The following OSTM1 variants were observed in gnomAD, a reference collection of about 807,000 sequenced individuals.
OSTM1 encodes the protein osteoclastogenesis associated transmembrane protein 1, also known as osteopetrosis-associated transmembrane protein 1.
A neutral mutation model predicts 35.4 loss-of-function variants in OSTM1; 26 were observed. The ratio of observed to expected loss-of-function variants is 0.73; its 90% CI spans 0.54 to 1.02. OSTM1 has a LOEUF of 1.02. Ranked by LOEUF, OSTM1 falls within the 50% of genes least tolerant of loss-of-function variation. OSTM1 has a pLI of 0.00. For synonymous variants in OSTM1, 181 were observed against 165.0 expected, an observed-to-expected ratio of 1.10 and a Z score of -0.75; for missense variants, 366 against 409.6, an observed-to-expected ratio of 0.89 and a Z score of 0.92.
At chr6:108,066,040 G>A (rs1174278734) in intron 1 of OSTM1, among the ~76,000 whole-genome samples, 4 of 152,218 alleles carry the variant, frequency 2.6e-5, no homozygotes, top group African/African-American at 9.6e-5. Flanking sequence ...AAGTGATAAT[G>A]ATTATGTGGT....
At chr6:108,065,107 C>A (rs1436138077) in intron 1 of OSTM1, among the ~76,000 whole-genome samples, 1 of 152,116 alleles carries the variant, frequency 6.6e-6, no homozygotes, top group Non-Finnish European at 1.5e-5. Flanking sequence ...GATCCATCCA[C>A]CTCGGCCTCC....
At chr6:108,051,292 C>A (rs1356694355) in intron 3 of OSTM1, 94 bp from the exon 4 acceptor site, 2 of 926,902 alleles carry the variant, frequency 2.2e-6, no homozygotes, top group African/African-American at 1.6e-5. Context: ...AGACGGGAAA[C>A]AATATGGTGT....
intron 1 of OSTM1, among the ~76,000 whole-genome samples, chr6:108,073,111 T>C (rs1317137660): frequency 6.6e-6 from 1 of 152,206 alleles, no homozygotes; most frequent in Non-Finnish European, 1.5e-5. Context: ...CACACAGCCA[T>C]GACAGATTTA....
Position 108,044,453 on chromosome 6 carries a change from ATTTAT to A in OSTM1, c.*327_*331del, listed in dbSNP as rs1436483191. The A allele has an allele frequency of 5.6e-6, 1 of 179,110 alleles. No individual in the cohort carries two copies. The highest frequency in any genetic ancestry group is 1.4e-4 in the East Asian group (1 of 7,200). 11.1% of individuals were successfully genotyped at this position (179,110 alleles called of 1,614,324 possible). ...TTTCAAAAACTTTTCTACTTGAGAT[ATTTAT>A]GTTAGTAAGAAGATACCAGAAGTCT... On this transcript the variant is annotated 3_prime_UTR_variant, in exon 6 of 6. Transcript: ENST00000193322.
Position 108,074,331 on chromosome 6 carries a change from C to G in OSTM1, c.321G>C (p.Arg107=). ...AGCAGGTCTGACAGAGGCGCACGGG[C>G]CGGGCGCTGCGCACCAGACACCCTG... ...ELTGCLVRSA[R]PVRLCQTCYP... The change falls in exon 1 of 6, where the codon CGG becomes CGC. Residue 107 remains arginine, a synonymous_variant. Coordinates refer to ENST00000193322, the MANE Select transcript of OSTM1 (RefSeq NM_014028.4). 3 of 1,610,656 alleles carry G rather than the reference C, an allele frequency of 1.9e-6. No homozygotes were observed. The highest frequency in any genetic ancestry group is 2.5e-6 in the Non-Finnish European group (3 of 1,179,302).
intron 2 of OSTM1, among the ~76,000 whole-genome samples, chr6:108,061,431 GTCTC>G (rs1262974925): frequency 2.7e-5 from 4 of 149,284 alleles, no homozygotes; most frequent in African/African-American, 4.9e-5. Context: ...CTTCTTACTG[GTCTC>G]TCTCTCTTCC....
intron 2 of OSTM1, among the ~76,000 whole-genome samples, chr6:108,055,920 C>T (rs1031189626): frequency 4.6e-5 from 7 of 152,118 alleles, no homozygotes; most frequent in Non-Finnish European, 8.8e-5. Context: ...ATTATGCCCA[C>T]CTTATTTAGA....
Position 108,064,294 on chromosome 6 carries a change from A to G in OSTM1, c.408T>C (p.Thr136=), listed in dbSNP as rs1230499110. Residue 136 remains threonine, a synonymous_variant, in exon 2 of 6, where the codon ACT becomes ACC. Coordinates refer to ENST00000193322, the MANE Select transcript of OSTM1 (RefSeq NM_014028.4). Reference sequence around the variant, plus strand: ...TTCTGGCACAACTCTGACTCTCTGAAGTATTCTGTAACAAAAAGAAGACAG... The same window carrying G: ...TTCTGGCACAACTCTGACTCTCTGAGGTATTCTGTAACAAAAAGAAGACAG... ...MDNISRAAGN[T]SESQSCARSL... 1 of 1,512,694 alleles carries G rather than the reference A, an allele frequency of 6.6e-7. No individual in the cohort carries two copies. Among genetic ancestry groups the G allele is most frequent in the Non-Finnish European group, 9.2e-7 (1 of 1,092,056 alleles). 93.7% of individuals were successfully genotyped at this position (1,512,694 alleles called of 1,614,324 possible). A position where few individuals can be genotyped will look rare whatever the true frequency, so the allele number is the denominator to read the frequency against.
chr6:108,062,323 C>G (rs1236707085), intron 2 of OSTM1, among the ~76,000 whole-genome samples: 1 of 151,982 alleles, frequency 6.6e-6, no homozygotes, highest in African/African-American at 2.4e-5. Context: ...TGATTCGCAG[C>G]CCAAGTAGAT....
intron 5 of OSTM1, among the ~76,000 whole-genome samples, chr6:108,046,596 C>T (rs1205286583): frequency 5.9e-5 from 9 of 151,982 alleles, no homozygotes; most frequent in East Asian, 3.9e-4. Flanking sequence ...CCACCTGCCT[C>T]GGCCTCCCAA....
rs529023968 is a variant in OSTM1 at position 108,051,017 on chromosome 6, A to T, written c.783+14T>A. The T allele has an allele frequency of 6.3e-7, 1 of 1,599,318 alleles. No homozygotes were observed. Among genetic ancestry groups the T allele is most frequent in the Non-Finnish European group, 8.6e-7 (1 of 1,166,822 alleles). On this transcript the variant is annotated intron_variant, in intron 4 of 5. Coordinates refer to ENST00000193322, the MANE Select transcript of OSTM1 (RefSeq NM_014028.4). Reference sequence around the variant, plus strand: ...ACTCTAAAATATGTATCACATCAGAAGCAAAGTACTTACTGCATCTTCCAC... The same window carrying T: ...ACTCTAAAATATGTATCACATCAGATGCAAAGTACTTACTGCATCTTCCAC...
Position 108,066,474 on chromosome 6 carries a change from T to C in OSTM1, c.403-2175A>G, listed in dbSNP as rs778004724. Among the ~76,000 whole-genome samples the C allele has an allele frequency of 2.0e-5, 3 of 151,988 alleles. No individual in the cohort carries two copies. In the East Asian group the frequency reaches 5.8e-4, roughly 29 times the overall value. On this transcript the variant is annotated intron_variant, in intron 1 of 5. Transcript: ENST00000193322. ...GACTGAGAAGGAAGAATTGGAGAGA[T>C]AAAGAAAAATAAGGAGAGCATGATG...
At chr6:108,070,890 CA>C (rs1338011470) in intron 1 of OSTM1, among the ~76,000 whole-genome samples, 273 of 80,582 alleles carry the variant, frequency 3.4e-3, no homozygotes, top group Non-Finnish European at 3.6e-3. Context: ...AACTCCGTCT[CA>C]AAAAAAAAAA....
At chr6:108,049,647 A>G (rs1186453050) in intron 4 of OSTM1, 1 of 952,260 alleles carries the variant, frequency 1.1e-6, no homozygotes, top group Non-Finnish European at 1.4e-6. Flanking sequence ...TTCTAAGTCC[A>G]TAATACTGAC....
At position 108,048,914 on chromosome 6, in the gene OSTM1, G is replaced by T. The variant is rs185815794; in HGVS notation, c.949+339C>A. Reference sequence around the variant, plus strand: ...CTACAGGCATGCGCCATCATGCCCGGCTAATTTTTTGCATTTTTAGTAGAG... The same window carrying T: ...CTACAGGCATGCGCCATCATGCCCGTCTAATTTTTTGCATTTTTAGTAGAG... On this transcript the variant is annotated intron_variant, in intron 5 of 5. Transcript: ENST00000193322. Among the ~76,000 whole-genome samples the T allele has an allele frequency of 5.9e-3, 890 of 151,950 alleles. 10 individuals carry two copies. Among genetic ancestry groups the T allele is most frequent in the African/African-American group, 0.021 (866 of 41,434 alleles).
At chr6:108,050,179 T>G (rs1368323280) in intron 4 of OSTM1, among the ~76,000 whole-genome samples, 2 of 152,096 alleles carry the variant, frequency 1.3e-5, no homozygotes, top group African/African-American at 4.8e-5. Flanking sequence ...AAATACTGAA[T>G]AGTGAACAAA....
intron 2 of OSTM1, among the ~76,000 whole-genome samples, chr6:108,055,427 C>T (rs907214967): frequency 6.6e-6 from 1 of 152,078 alleles, no homozygotes; most frequent in Non-Finnish European, 1.5e-5. Context: ...AGTGATGTTC[C>T]CACCTCAACC....
chr6:108,066,326 C>T (rs918078050), intron 1 of OSTM1, among the ~76,000 whole-genome samples: 6 of 152,072 alleles, frequency 3.9e-5, no homozygotes, highest in Admixed American at 3.9e-4. Flanking sequence ...GATTAATAAT[C>T]CAAACGATGA....
chr6:108,067,572 C>T (rs1045858449), intron 1 of OSTM1, among the ~76,000 whole-genome samples: 1 of 121,668 alleles, frequency 8.2e-6, no homozygotes, highest in Non-Finnish European at 1.6e-5. Flanking sequence ...TGGCTCACGC[C>T]TGTATCCCAA....
Sources: allele counts gnomAD v4.1 joint callset (sites outside exome capture counted in the v4.1 genomes callset), GRCh38; gene constraint gnomAD v4.1.1; transcripts MANE v1.5; gene names NCBI Gene and HGNC (gene_info 2026-07-23, HGNC 2026-07-21).